HIVEP3: variants seen among roughly 807,000 people sequenced by gnomAD.
The protein encoded by HIVEP3 is HIVEP zinc finger 3, also known as transcription factor HIVEP3.
HIVEP3 carries 49 observed loss-of-function variants against 152.8 expected under a neutral mutation model. The observed-to-expected ratio is 0.32, with a 90% CI of 0.26 to 0.41. The LOEUF is 0.41. Among genes scored for constraint, HIVEP3 ranks in the 10% least tolerant of loss-of-function variants. The probability of loss-of-function intolerance (pLI) is 1.00; values close to 1 mark genes in which losing one functional copy is unlikely to be tolerated. For synonymous variants in HIVEP3, 1,269 were observed against 1,289.0 expected, an observed-to-expected ratio of 0.98 and a Z score of 0.33; for missense variants, 2,790 against 3,103.3, an observed-to-expected ratio of 0.90 and a Z score of 2.40.
At chr1:41,514,708 T>C (rs1642553888) in intron 7 of HIVEP3, among the ~76,000 whole-genome samples, 1 of 152,250 alleles carries the variant, frequency 6.6e-6, no homozygotes, top group Non-Finnish European at 1.5e-5. Flanking sequence ...TTGTCCACTT[T>C]GGACATCTGA....
intron 1 of HIVEP3, among the ~76,000 whole-genome samples, chr1:41,889,236 G>A (rs1473411330): frequency 6.6e-6 from 1 of 151,434 alleles, no homozygotes; most frequent in African/African-American, 2.4e-5. Context: ...ACCTCACACA[G>A]TCCCACCCCA....
intron 1 of HIVEP3, among the ~76,000 whole-genome samples, chr1:41,936,993 A>G (rs1266612208): frequency 6.6e-6 from 1 of 152,232 alleles, no homozygotes; most frequent in East Asian, 1.9e-4. Context: ...CTTCATTAAA[A>G]TCATAAATAA....
intron 1 of HIVEP3, among the ~76,000 whole-genome samples, chr1:42,016,672 T>C (rs1645524910): frequency 1.3e-5 from 2 of 152,302 alleles, no homozygotes; most frequent in East Asian, 3.9e-4. Context: ...ACTACAGAAA[T>C]GTTCATCAAC....
intron 3 of HIVEP3, among the ~76,000 whole-genome samples, chr1:41,611,564 C>T (rs947595352): frequency 1.3e-5 from 2 of 152,248 alleles, no homozygotes; most frequent in Non-Finnish European, 2.9e-5. Flanking sequence ...ACACATTCAA[C>T]AAAGAGTGAG....
intron 1 of HIVEP3, among the ~76,000 whole-genome samples, chr1:41,738,602 A>G (rs906498986): frequency 3.9e-5 from 6 of 152,210 alleles, no homozygotes; most frequent in Non-Finnish European, 5.9e-5. Flanking sequence ...TCAAGTTCCC[A>G]TGATCCATCA....
At chr1:41,530,380 C>T (rs1183171639) in intron 5 of HIVEP3, among the ~76,000 whole-genome samples, 5 of 152,388 alleles carry the variant, frequency 3.3e-5, no homozygotes, top group Non-Finnish European at 4.4e-5. Context: ...CTCACCCTCA[C>T]GTAGCAGATC....
At position 41,524,924 on chromosome 1, in the gene HIVEP3, G is replaced by T. The variant is rs755706961; in HGVS notation, c.5208-14C>A. The T allele has an allele frequency of 6.8e-6, 11 of 1,606,564 alleles. No homozygotes were observed. In the South Asian group the frequency reaches 1.2e-4, roughly 18 times the overall value. On this transcript the variant is annotated splice_polypyrimidine_tract_variant and intron_variant, in intron 5 of 8. Coordinates refer to ENST00000372583, the MANE Select transcript of HIVEP3 (RefSeq NM_024503.5). ...TTTGATTTGTACCTATGAGCAACAG[G>T]CGTCATAGTAAAGGGAAAAAAAAGG... is the stretch of plus-strand genomic sequence containing the variant.
chr1:41,795,078 T>C (rs1361027771), intron 1 of HIVEP3, among the ~76,000 whole-genome samples: 1 of 152,214 alleles, frequency 6.6e-6, no homozygotes, highest in Non-Finnish European at 1.5e-5. Flanking sequence ...TTAACACTGG[T>C]ACAATACAAT....
intron 1 of HIVEP3, among the ~76,000 whole-genome samples, chr1:41,887,160 T>G (rs1644361048): frequency 6.6e-6 from 1 of 150,708 alleles, no homozygotes; most frequent in African/African-American, 2.5e-5. Context: ...CACTATCATA[T>G]GAAGAGGTGA....
At chr1:41,734,473 T>G (rs1478014772) in intron 1 of HIVEP3, among the ~76,000 whole-genome samples, 1 of 152,238 alleles carries the variant, frequency 6.6e-6, no homozygotes, top group Non-Finnish European at 1.5e-5. Context: ...AGGCTGGTGT[T>G]GAACATAGTC....
chr1:41,635,557 T>C (rs1411881842), intron 2 of HIVEP3, among the ~76,000 whole-genome samples: 1 of 41,332 alleles, frequency 2.4e-5, no homozygotes, highest in Non-Finnish European at 4.3e-5. Context: ...TATATATACA[T>C]ACATATACAT....
At chr1:41,721,351 G>T (rs1489554994) in intron 1 of HIVEP3, among the ~76,000 whole-genome samples, 1 of 152,024 alleles carries the variant, frequency 6.6e-6, no homozygotes, top group Non-Finnish European at 1.5e-5. Flanking sequence ...GATTACAGGC[G>T]CATGCCACCG....
At chr1:41,846,426 T>G (rs2124376160) in intron 1 of HIVEP3, among the ~76,000 whole-genome samples, 1 of 152,336 alleles carries the variant, frequency 6.6e-6, no homozygotes, top group South Asian at 2.1e-4. Context: ...TTTAATAGAT[T>G]TCAGAGGAAG....
At chr1:41,715,609 T>C (rs573237578) in intron 1 of HIVEP3, among the ~76,000 whole-genome samples, 1 of 152,362 alleles carries the variant, frequency 6.6e-6, no homozygotes, top group Admixed American at 6.5e-5. Context: ...GTATTTTTAC[T>C]GTGTCATGGT....
At chr1:41,631,452 C>A (rs1645193524) in intron 2 of HIVEP3, among the ~76,000 whole-genome samples, 1 of 152,194 alleles carries the variant, frequency 6.6e-6, no homozygotes, top group Admixed American at 6.5e-5. Context: ...TAATCTGGGT[C>A]TGGAGTAACC....
intron 3 of HIVEP3, among the ~76,000 whole-genome samples, chr1:41,589,464 G>A (rs980878427): frequency 6.6e-6 from 1 of 152,250 alleles, no homozygotes; most frequent in Admixed American, 6.5e-5. Context: ...AGTAATGGAG[G>A]AGCCCGGGGC....
At chr1:41,694,899 T>G (rs1243510817) in intron 2 of HIVEP3, among the ~76,000 whole-genome samples, 1 of 152,142 alleles carries the variant, frequency 6.6e-6, no homozygotes, top group African/African-American at 2.4e-5. Context: ...CCTGCTGAAG[T>G]CAGGGCTGTG....
intron 1 of HIVEP3, among the ~76,000 whole-genome samples, chr1:41,726,404 C>G (rs1437629553): frequency 6.6e-6 from 1 of 152,100 alleles, no homozygotes; most frequent in Admixed American, 6.6e-5. Flanking sequence ...GAAGTGAGGC[C>G]CTTTGAGAAG....
rs941116232 is a variant in HIVEP3 at position 41,628,897 on chromosome 1, C to T, written c.-670G>A. ...GCGGGCTTGCTTGGCCAGGACCCCGCGAGGCTCCTCCATGAACTAGGTTGA... is the reference window on the plus strand; with the variant it reads ...GCGGGCTTGCTTGGCCAGGACCCCGTGAGGCTCCTCCATGAACTAGGTTGA... On this transcript the variant is annotated 5_prime_UTR_variant, in exon 3 of 9. Transcript: ENST00000372583. 9.7e-6 allele frequency: 12 copies of T among 1,231,596 alleles called. No individual in the cohort carries two copies. The highest frequency in any genetic ancestry group is 3.1e-5 in the African/African-American group (2 of 64,394). The allele number at this position is 1,231,596 out of a possible 1,614,324, so 76.3% of individuals were successfully genotyped here. A position where few individuals can be genotyped will look rare whatever the true frequency, so the allele number is the denominator to read the frequency against.
Sources: gnomAD v4.1 joint callset for allele counts (sites outside exome capture counted in the v4.1 genomes callset) on GRCh38, gnomAD v4.1.1 for gene constraint, MANE v1.5 for transcripts, NCBI Gene and HGNC (gene_info 2026-07-23, HGNC 2026-07-21) for gene names.